Variants in DMC1 observed in about 807,000 individuals in gnomAD.
DMC1 encodes meiotic recombination protein DMC1 homolog.
Under a neutral mutation model 50.1 loss-of-function variants are expected in DMC1, and 27 were observed. The ratio of observed to expected loss-of-function variants is 0.54; its 90% CI spans 0.40 to 0.74. The LOEUF (loss-of-function observed/expected upper bound fraction) is 0.74. Among genes scored for constraint, DMC1 ranks in the 30% least tolerant of loss-of-function variants. DMC1 has a pLI of 0.00. For missense variants in DMC1, 295 were observed against 420.2 expected, an observed-to-expected ratio of 0.70 and a Z score of 2.60; for synonymous variants, 148 against 136.1, an observed-to-expected ratio of 1.09 and a Z score of -0.61.
At chr22:38,513,946 G>A in the DMC1 span, among the ~76,000 whole-genome samples, 1 of 152,226 alleles carries the variant, frequency 6.6e-6, no homozygotes, top group Non-Finnish European at 1.5e-5. Flanking sequence ...GTTAGAAGCA[G>A]TAACTTGGCT....
At chr22:38,557,613 C>A (rs544295394) in intron 5 of DMC1, among the ~76,000 whole-genome samples, 1 of 151,976 alleles carries the variant, frequency 6.6e-6, no homozygotes, top group Admixed American at 6.6e-5. Context: ...TGCAGTGAGC[C>A]GTGATGGAGC....
chr22:38,527,366 A>C (rs2090103449), intron 12 of DMC1, among the ~76,000 whole-genome samples: 1 of 151,544 alleles, frequency 6.6e-6, no homozygotes, highest in South Asian at 2.1e-4. Flanking sequence ...CACCAAGCCC[A>C]GCTAATTTTT....
intron 11 of DMC1, 80 bp downstream of exon 11, chr22:38,538,215 C>T: frequency 8.3e-7 from 1 of 1,206,414 alleles, no homozygotes; most frequent in South Asian, 1.3e-5. Context: ...TCGCTGCCTC[C>T]TGACATTATA....
chr22:38,548,417 T>C (rs1035713370), intron 8 of DMC1, among the ~76,000 whole-genome samples: 3 of 151,810 alleles, frequency 2.0e-5, no homozygotes, highest in Non-Finnish European at 4.4e-5. Flanking sequence ...CTACAAAAGA[T>C]AAAAAAAATT....
At chr22:38,540,668 T>A (rs1435609943) in intron 8 of DMC1, among the ~76,000 whole-genome samples, 2 of 152,224 alleles carry the variant, frequency 1.3e-5, no homozygotes, top group African/African-American at 4.8e-5. Context: ...GCCATTTATA[T>A]CCTAATGCAC....
intron 12 of DMC1, among the ~76,000 whole-genome samples, chr22:38,525,486 C>T (rs1208553302): frequency 6.6e-6 from 1 of 152,010 alleles, no homozygotes; most frequent in East Asian, 1.9e-4. Flanking sequence ...TTTGCTGTTA[C>T]TAGTGTGGTA....
intron 12 of DMC1, 83 bp downstream of exon 12, chr22:38,537,509 G>A: frequency 7.5e-7 from 1 of 1,337,016 alleles, no homozygotes; most frequent in Non-Finnish European, 1.1e-6. Context: ...ACCGTGCCCG[G>A]CCTTGAAATT....
intron 5 of DMC1, 106 bp downstream of exon 5, chr22:38,562,181 G>T: frequency 1.3e-6 from 1 of 760,598 alleles, no homozygotes; most frequent in South Asian, 1.6e-5. Flanking sequence ...AACTTCAAAT[G>T]AAGAAGCTAC....
chr22:38,512,009 C>G, the DMC1 span, among the ~76,000 whole-genome samples: 3 of 151,968 alleles, frequency 2.0e-5, no homozygotes, highest in African/African-American at 4.8e-5. Context: ...GGGTCTCACT[C>G]TGTCACCCAG....
chr22:38,511,489 CT>C, the DMC1 span, among the ~76,000 whole-genome samples: 5 of 151,974 alleles, frequency 3.3e-5, no homozygotes, highest in Non-Finnish European at 7.4e-5. Context: ...ACGTGGAAGG[CT>C]GAGGTGGGAG....
At position 38,541,253 on chromosome 22, in the gene DMC1, T is replaced by C. The variant is rs146909829; in HGVS notation, c.495-1841A>G. Among the ~76,000 whole-genome samples the C allele has an allele frequency of 2.6e-3, 402 of 152,306 alleles. 1 individual carries two copies. Among genetic ancestry groups the C allele is most frequent in the African/African-American group, 9.3e-3 (386 of 41,574 alleles). On this transcript the variant is annotated intron_variant, in intron 8 of 13. Coordinates refer to ENST00000216024, the MANE Select transcript of DMC1 (RefSeq NM_007068.4). ...GTCTTTAGGACTCAGATCTTAGTTA[T>C]AGATCAAAAGAAGTTAATCACTTAT... is the stretch of plus-strand genomic sequence containing the variant.
At chr22:38,564,272 C>T (rs1205869163) in intron 4 of DMC1, among the ~76,000 whole-genome samples, 1 of 152,158 alleles carries the variant, frequency 6.6e-6, no homozygotes, top group African/African-American at 2.4e-5. Flanking sequence ...GGAGTTCAAG[C>T]CCAGACTGGG....
chr22:38,536,681 G>C (rs1245859728), intron 12 of DMC1, among the ~76,000 whole-genome samples: 1 of 151,988 alleles, frequency 6.6e-6, no homozygotes, highest in African/African-American at 2.4e-5. Context: ...ATTTCCCTAG[G>C]ATCTATTTCT....
intron 4 of DMC1, among the ~76,000 whole-genome samples, chr22:38,566,386 G>A (rs946726294): frequency 1.3e-5 from 2 of 152,022 alleles, no homozygotes; most frequent in Non-Finnish European, 2.9e-5. Flanking sequence ...AGTGTTCCAG[G>A]TCTCTTAATC....
intron 4 of DMC1, among the ~76,000 whole-genome samples, chr22:38,564,591 G>T (rs575531222): frequency 1.3e-5 from 2 of 152,112 alleles, no homozygotes; most frequent in South Asian, 4.1e-4. Context: ...GATTACAGGC[G>T]TAAGCCACTG....
chr22:38,556,807 A>G (rs2090473270), intron 5 of DMC1, among the ~76,000 whole-genome samples: 2 of 152,232 alleles, frequency 1.3e-5, no homozygotes, highest in Admixed American at 6.5e-5. Context: ...AGATAATCCA[A>G]TACATTTACA....
chr22:38,552,795 G>A lies in DMC1; in HGVS notation c.380-88C>T, dbSNP rs556348974. On this transcript the variant is annotated intron_variant, in intron 6 of 13. Coordinates refer to ENST00000216024, the MANE Select transcript of DMC1 (RefSeq NM_007068.4). The stretch of plus-strand genomic sequence containing the variant: ...TAAAACATGGCTTTAGAATATTACT[G>A]TTTTCTTTTTCTTTTCCAACTGGCA... The A allele has an allele frequency of 2.7e-5, 24 of 882,814 alleles. No individual in the cohort carries two copies. In the South Asian group the frequency reaches 3.2e-4, roughly 12 times the overall value. The allele number at this position is 882,814 out of a possible 1,614,324, so 54.7% of individuals were successfully genotyped here.
chr22:38,553,429 C>G (rs1310823801), intron 6 of DMC1, among the ~76,000 whole-genome samples: 1 of 140,784 alleles, frequency 7.1e-6, no homozygotes, highest in South Asian at 2.3e-4. Context: ...ACTCGGGAGG[C>G]GGAGCTTGCA....
intron 7 of DMC1, among the ~76,000 whole-genome samples, chr22:38,551,621 C>T (rs1037819809): frequency 5.3e-5 from 8 of 151,650 alleles, no homozygotes; most frequent in Non-Finnish European, 1.2e-4. Context: ...TGAGCCACCA[C>T]GCTAGACTGC....
Sources: allele counts gnomAD v4.1 joint callset (sites outside exome capture counted in the v4.1 genomes callset), GRCh38; gene constraint gnomAD v4.1.1; transcripts MANE v1.5; gene names NCBI Gene and HGNC (gene_info 2026-07-23, HGNC 2026-07-21).